The following NFX1 variants were observed in gnomAD, a reference collection of about 807,000 sequenced individuals.
NFX1 encodes nuclear transcription factor, X-box binding 1.
A neutral mutation model predicts 137.2 loss-of-function variants in NFX1; 69 were observed. The observed-to-expected ratio is 0.50, with a 90% CI of 0.41 to 0.61. The LOEUF is 0.61. Ranked by LOEUF, NFX1 falls within the 20% of genes least tolerant of loss-of-function variation. NFX1 has a pLI of 0.00. For missense variants in NFX1, 1,167 were observed against 1,391.0 expected (o/e 0.84, Z 2.56); for synonymous variants, 495 against 474.1 (o/e 1.04, Z -0.57).
intron 7 of NFX1, among the ~76,000 whole-genome samples, chr9:33,317,492 T>C (rs1265317574): frequency 6.7e-6 from 1 of 150,132 alleles, no homozygotes; most frequent in African/African-American, 2.5e-5. Context: ...GAAATGTGTA[T>C]TTTAAAAATA....
intron 2 of NFX1, among the ~76,000 whole-genome samples, chr9:33,296,786 G>A (rs150916896): frequency 0.01 from 1,565 of 152,248 alleles, 30 homozygotes; most frequent in African/African-American, 0.035. Flanking sequence ...TTTATAGATA[G>A]CGTTAATCTC....
At chr9:33,308,771 C>T (rs1447147384) in intron 5 of NFX1, among the ~76,000 whole-genome samples, 1 of 152,132 alleles carries the variant, frequency 6.6e-6, no homozygotes, top group Non-Finnish European at 1.5e-5. Flanking sequence ...ACAATTCTTA[C>T]TTTTACTACC....
At position 33,362,670 on chromosome 9, in the gene NFX1, A is replaced by G. The variant is rs183440353; in HGVS notation, c.2874-1340A>G. ...TCAGTGGATATAAAGTTACAAATAG[A>G]TGGTAGTAATAAGTTCCTGTGGTTT... On this transcript the variant is annotated intron_variant, in intron 19 of 23. Transcript: ENST00000379540. Among the ~76,000 whole-genome samples, 97 of 140,846 alleles carry G rather than the reference A, an allele frequency of 6.9e-4. 1 individual carries two copies. In the East Asian group the frequency reaches 0.017, roughly 24 times the overall value. The allele number at this position is 140,846 out of a possible 152,430, so 92.4% of individuals were successfully genotyped here. A position where few individuals can be genotyped will look rare whatever the true frequency, so the allele number is the denominator to read the frequency against.
chr9:33,357,152 A>G (rs1823838421), intron 19 of NFX1, among the ~76,000 whole-genome samples: 2 of 151,872 alleles, frequency 1.3e-5, no homozygotes, highest in Admixed American at 1.3e-4. Flanking sequence ...AATACAAAAA[A>G]TTAGCCGGGC....
intron 11 of NFX1, among the ~76,000 whole-genome samples, chr9:33,332,844 C>T (rs1442028340): frequency 6.6e-6 from 1 of 151,980 alleles, no homozygotes; most frequent in East Asian, 1.9e-4. Flanking sequence ...ATACTTTGAA[C>T]TTTTTTTCTT....
rs1229829001 is a variant in NFX1 at position 33,290,622 on chromosome 9, T to A, written c.25+25T>A. 2.5e-6 allele frequency: 4 copies of A among 1,600,666 alleles called. No individual in the cohort carries two copies. In the East Asian group the frequency reaches 9.0e-5, roughly 36 times the overall value. On this transcript the variant is annotated intron_variant, in intron 1 of 23. Coordinates refer to ENST00000379540, the MANE Select transcript of NFX1 (RefSeq NM_002504.6). ...GGTATTGTCCCGGCCCGAGCGGGACTGGGCCCCTTTCAGGGAGCGGAAATT... is the reference window on the plus strand; with the variant it reads ...GGTATTGTCCCGGCCCGAGCGGGACAGGGCCCCTTTCAGGGAGCGGAAATT...
Position 33,294,917 on chromosome 9 carries a change from G to C in NFX1, c.523G>C (p.Val175Leu). The change falls in exon 2 of 24, where the codon GTA becomes CTA. Residue 175 changes from valine to leucine, a missense_variant. By Grantham distance (32) the Val-to-Leu change is conservative. Around this residue, in one of 3 missense-constraint regions of NFX1, gnomAD observed 367 missense variants for 386.7 expected, o/e 0.95. Coordinates refer to ENST00000379540, the MANE Select transcript of NFX1 (RefSeq NM_002504.6). The stretch of plus-strand genomic sequence containing the variant: ...AAAACCCAAAAAAGCAACACAGTTT[G>C]TATACAGCTATGGTAGAGGACCAAA... ...GAKPKKATQF[V>L]YSYGRGPKVK... 1 of 1,614,138 alleles carries C rather than the reference G, an allele frequency of 6.2e-7. No individual in the cohort carries two copies. Among genetic ancestry groups the C allele is most frequent in the Non-Finnish European group, 8.5e-7 (1 of 1,180,030 alleles).
At chr9:33,312,700 G>A (rs925213350) in intron 6 of NFX1, among the ~76,000 whole-genome samples, 13 of 152,166 alleles carry the variant, frequency 8.5e-5, no homozygotes, top group Non-Finnish European at 1.3e-4. Flanking sequence ...GTGAAACCCC[G>A]TCTCTACTAA....
chr9:33,309,281 C>A (rs924718253), intron 5 of NFX1, among the ~76,000 whole-genome samples: 16 of 151,926 alleles, frequency 1.1e-4, no homozygotes, highest in African/African-American at 3.6e-4. Flanking sequence ...GGCGTGAACC[C>A]GGGAGGCGGA....
chr9:33,309,826 C>CA (rs1821900193), intron 5 of NFX1, among the ~76,000 whole-genome samples: 2 of 152,298 alleles, frequency 1.3e-5, no homozygotes, highest in South Asian at 4.1e-4. Context: ...TCTCCAGGCA[C>CA]TTCCAATATA....
chr9:33,354,116 A>G lies in NFX1; in HGVS notation c.2760A>G (p.Ile920Met), dbSNP rs1474785766. The change falls in exon 18 of 24, where the codon ATA (isoleucine) becomes ATG (methionine). Residue 920 changes from isoleucine to methionine, a missense_variant. Physicochemically the swap from Ile to Met is conservative, Grantham distance 10. Around this residue, in one of 3 missense-constraint regions of NFX1, gnomAD observed 312 missense variants for 312.8 expected, o/e 1.00. Transcript: ENST00000379540. ...RIAAISMASK[I>M]TDMQLGGSVE... ...CTGCAATCTCCATGGCCTCTAAGATAACAGACATGCAGCTTGGAGGTTCAG... is the reference window on the plus strand; with the variant it reads ...CTGCAATCTCCATGGCCTCTAAGATGACAGACATGCAGCTTGGAGGTTCAG... 6.2e-7 allele frequency: 1 copy of G among 1,612,958 alleles called. No homozygotes were observed. Among genetic ancestry groups the G allele is most frequent in the Non-Finnish European group, 8.5e-7 (1 of 1,179,646 alleles).
At position 33,364,661 on chromosome 9, in the gene NFX1, C is replaced by T. The variant is rs749178270; in HGVS notation, c.2973-47C>T. ...GGAGAGGATGGGTGAAAGGGGTTCT[C>T]AGAAGGGCAGGGACAGACAAAATTA... is the stretch of plus-strand genomic sequence containing the variant. On this transcript the variant is annotated intron_variant, in intron 20 of 23. Transcript: ENST00000379540. The T allele has an allele frequency of 1.9e-6, 3 of 1,587,772 alleles. No individual in the cohort carries two copies. In the South Asian group the frequency reaches 3.4e-5, roughly 18 times the overall value.
At chr9:33,321,531 C>T (rs1054339023) in intron 9 of NFX1, among the ~76,000 whole-genome samples, 1 of 152,042 alleles carries the variant, frequency 6.6e-6, no homozygotes, top group African/African-American at 2.4e-5. Context: ...GAAGAGCTCC[C>T]ATAGATCTGC....
chr9:33,325,392 G>C (rs776151437), intron 9 of NFX1, among the ~76,000 whole-genome samples: 1 of 144,196 alleles, frequency 6.9e-6, no homozygotes, highest in Non-Finnish European at 1.5e-5. Context: ...GGCCGGGCGC[G>C]GTGGCTCACG....
chr9:33,292,275 A>G (rs1821189857), intron 1 of NFX1, among the ~76,000 whole-genome samples: 1 of 152,150 alleles, frequency 6.6e-6, no homozygotes, highest in South Asian at 2.1e-4. Context: ...TTTAGTTCCC[A>G]TTCCATGTTC....
chr9:33,303,801 T>C (rs1821659227), intron 4 of NFX1, among the ~76,000 whole-genome samples: 1 of 152,232 alleles, frequency 6.6e-6, no homozygotes, highest in African/African-American at 2.4e-5. Flanking sequence ...ACCCAGATGC[T>C]CATTCTTGCT....
At chr9:33,326,517 A>G (rs141288436) in intron 9 of NFX1, among the ~76,000 whole-genome samples, 3 of 152,062 alleles carry the variant, frequency 2.0e-5, no homozygotes, top group African/African-American at 7.2e-5. Context: ...CTAGGAGTTC[A>G]AGGCCAGCCT....
intron 19 of NFX1, among the ~76,000 whole-genome samples, chr9:33,358,732 A>G (rs1021651537): frequency 1.8e-4 from 24 of 135,574 alleles, no homozygotes; most frequent in Admixed American, 7.7e-4. Context: ...GCACAATTAC[A>G]GCTCACTGCA....
Position 33,319,970 on chromosome 9 carries a change from T to C in NFX1, c.1906+843T>C, listed in dbSNP as rs111311257. Among the ~76,000 whole-genome samples, 10 of 151,264 alleles carry C rather than the reference T, an allele frequency of 6.6e-5. No homozygotes were observed. The East Asian group carries it at 1.8e-3, about 27-fold the overall frequency. ...TTTTTCTTTTCTTTTCTTTTCTTTT[T>C]TTTTTTTTTGAGACAGAGTCTCGCT... On this transcript the variant is annotated intron_variant, in intron 9 of 23. Coordinates refer to ENST00000379540, the MANE Select transcript of NFX1 (RefSeq NM_002504.6).
Sources: gnomAD v4.1 joint callset for allele counts (sites outside exome capture counted in the v4.1 genomes callset) on GRCh38, gnomAD v4.1.1 for gene constraint, gnomAD v4.1.1 regional missense constraint, MANE v1.5 for transcripts, NCBI Gene and HGNC (gene_info 2026-07-23, HGNC 2026-07-21) for gene names.